Variants in UNC93A observed in about 807,000 individuals in gnomAD.
UNC93A encodes unc-93 homolog A.
In UNC93A, 43 loss-of-function variants were observed where a neutral mutation model predicts 47.5. The observed-to-expected ratio is 0.91, with a 90% CI of 0.71 to 1.17. The LOEUF (loss-of-function observed/expected upper bound fraction) is 1.17, where lower values mean the gene tolerates loss of function less well. Among genes scored for constraint, UNC93A ranks in the 50% most tolerant of loss-of-function variants. The pLI, the probability that UNC93A is intolerant of heterozygous loss-of-function variation, is 0.00. For missense variants in UNC93A, 605 were observed against 577.6 expected (o/e 1.05, Z -0.49); for synonymous variants, 280 against 258.0 (o/e 1.09, Z -0.82).
chr6:167,277,851 GTCCC>G (rs1226418282), intron 1 of UNC93A, among the ~76,000 whole-genome samples: 1 of 106,664 alleles, frequency 9.4e-6, no homozygotes, highest in Non-Finnish European at 1.8e-5. Context: ...CTCTGTCTCT[GTCCC>G]TCTCTGTCTC....
upstream of UNC93A, among the ~76,000 whole-genome samples, chr6:167,289,189 A>G (rs962226607): frequency 3.3e-5 from 5 of 152,336 alleles, no homozygotes; most frequent in African/African-American, 1.2e-4. Context: ...AGGCAACTCC[A>G]TGTCTGCAGG....
chr6:167,295,389 G>A (rs937708257), intron 2 of UNC93A, among the ~76,000 whole-genome samples: 16 of 151,770 alleles, frequency 1.1e-4, no homozygotes, highest in African/African-American at 2.2e-4. Flanking sequence ...GGCCTCCCTC[G>A]TGCTCCTCGC....
intron 1 of UNC93A, among the ~76,000 whole-genome samples, chr6:167,277,769 C>T (rs967685826): frequency 6.6e-6 from 1 of 151,830 alleles, no homozygotes; most frequent in African/African-American, 2.4e-5. Flanking sequence ...GTCTCTCTGC[C>T]TCTTTGTATC....
intron 1 of UNC93A, among the ~76,000 whole-genome samples, chr6:167,277,434 C>T (rs952557669): frequency 6.6e-6 from 1 of 152,180 alleles, no homozygotes; most frequent in Non-Finnish European, 1.5e-5. Context: ...TGCTGCAGGG[C>T]TTCTGTCCTG....
At chr6:167,283,820 A>G (rs775462890) in intron 1 of UNC93A, among the ~76,000 whole-genome samples, 1 of 152,232 alleles carries the variant, frequency 6.6e-6, no homozygotes, top group Non-Finnish European at 1.5e-5. Flanking sequence ...AAGAAAGAAC[A>G]TCCAAAAACC....
intron 1 of UNC93A, among the ~76,000 whole-genome samples, chr6:167,275,500 A>G (rs1783524588): frequency 6.6e-6 from 1 of 152,192 alleles, no homozygotes; most frequent in African/African-American, 2.4e-5. Context: ...CCCACCCCCA[A>G]GGGCAGTCAG....
chr6:167,285,344 CT>C (rs1346219234), intron 1 of UNC93A, among the ~76,000 whole-genome samples: 1 of 151,898 alleles, frequency 6.6e-6, no homozygotes, highest in Non-Finnish European at 1.5e-5. Flanking sequence ...AGCCAGCTGT[CT>C]GCCAGGGTTC....
chr6:167,285,615 A>G (rs73262990), intron 1 of UNC93A, among the ~76,000 whole-genome samples: 2,924 of 151,608 alleles, frequency 0.019, 122 homozygotes, highest in African/African-American at 0.067. Context: ...CTGCTGTCTC[A>G]GGTGACGGCA....
At chr6:167,310,300 A>G (rs571142486) in intron 7 of UNC93A, among the ~76,000 whole-genome samples, 2 of 152,416 alleles carry the variant, frequency 1.3e-5, no homozygotes, top group African/African-American at 4.8e-5. Flanking sequence ...TCCATACGAT[A>G]ATTCCCTAAA....
chr6:167,294,398 T>C (rs1777987903), intron 1 of UNC93A, 119 bp from the exon 2 acceptor site: 22 of 1,194,142 alleles, frequency 1.8e-5, no homozygotes, highest in Non-Finnish European at 2.3e-5. Flanking sequence ...AGCAAGCCTG[T>C]GGCTGGCGGT....
At chr6:167,309,291 A>G (rs1029757655) in intron 7 of UNC93A, among the ~76,000 whole-genome samples, 1 of 152,126 alleles carries the variant, frequency 6.6e-6, no homozygotes, top group Non-Finnish European at 1.5e-5. Context: ...GGTCACTAGG[A>G]AGAGAAGGAA....
chr6:167,278,840 A>G (rs1054223401), intron 1 of UNC93A, among the ~76,000 whole-genome samples: 3 of 152,142 alleles, frequency 2.0e-5, no homozygotes, highest in Non-Finnish European at 4.4e-5. Flanking sequence ...GGAGTTTTTC[A>G]TTTTAACAGT....
chr6:167,304,493 T>C (rs1778327243), intron 5 of UNC93A, among the ~76,000 whole-genome samples: 1 of 152,166 alleles, frequency 6.6e-6, no homozygotes, highest in African/African-American at 2.4e-5. Context: ...ACTCTTACTT[T>C]AGAGTTTACA....
At chr6:167,298,525 C>CTTT (rs373731342) in intron 4 of UNC93A, among the ~76,000 whole-genome samples, 8,808 of 144,096 alleles carry the variant, frequency 0.061, 901 homozygotes, top group African/African-American at 0.21. Context: ...CTATAAGCCA[C>CTTT]TTTTTTTTTT....
At chr6:167,296,849 T>C (rs1385223735) in intron 3 of UNC93A, among the ~76,000 whole-genome samples, 1 of 152,202 alleles carries the variant, frequency 6.6e-6, no homozygotes, top group Non-Finnish European at 1.5e-5. Context: ...ATCTCTTTCA[T>C]GCTTACAGGA....
chr6:167,287,453 A>G (rs768519827), upstream of UNC93A, among the ~76,000 whole-genome samples: 3 of 152,034 alleles, frequency 2.0e-5, no homozygotes, highest in Non-Finnish European at 2.9e-5. Flanking sequence ...TCAGTTCTCT[A>G]TTTTGCTTAG....
rs116525634 is a variant in UNC93A, at chr6:167,302,082, G to A, written c.626-1837G>A. ...CCAAGATGGAAAGTAGCCAGATAACGGAAAGTAAAGCCTAGAAATAAATCT... is the reference window on the plus strand; with the variant it reads ...CCAAGATGGAAAGTAGCCAGATAACAGAAAGTAAAGCCTAGAAATAAATCT... On this transcript the variant is annotated intron_variant, in intron 4 of 7. Coordinates refer to ENST00000230256, the MANE Select transcript of UNC93A (RefSeq NM_018974.4). 5.2e-4 allele frequency among the ~76,000 whole-genome samples: 79 copies of A among 152,276 alleles called. 1 individual carries two copies. The highest frequency in any genetic ancestry group is 1.8e-3 in the African/African-American group (75 of 41,554).
intron 1 of UNC93A, among the ~76,000 whole-genome samples, chr6:167,275,698 C>G (rs1212108658): frequency 6.6e-6 from 1 of 152,236 alleles, no homozygotes; most frequent in East Asian, 1.9e-4. Context: ...TCAGACTTCC[C>G]CACCACACCA....
upstream of UNC93A, among the ~76,000 whole-genome samples, chr6:167,287,544 C>G (rs34710464): frequency 1.3e-5 from 2 of 152,068 alleles, no homozygotes; most frequent in Non-Finnish European, 2.9e-5. Context: ...GTGTGGTACC[C>G]CAGTACATTA....
Sources: allele counts gnomAD v4.1 joint callset (sites outside exome capture counted in the v4.1 genomes callset), GRCh38; gene constraint gnomAD v4.1.1; transcripts MANE v1.5; gene names NCBI Gene and HGNC (gene_info 2026-07-23, HGNC 2026-07-21).